Variants in LRP1B observed in about 807,000 individuals in gnomAD.
The protein encoded by LRP1B is LDL receptor related protein 1B, also known as low-density lipoprotein receptor-related protein 1B.
In LRP1B, 217 loss-of-function variants were observed where a neutral mutation model predicts 556.6. The ratio of observed to expected loss-of-function variants is 0.39; its 90% CI spans 0.35 to 0.44. The LOEUF is 0.44. Among genes scored for constraint, LRP1B ranks in the 20% least tolerant of loss-of-function variants. The pLI, the probability that LRP1B is intolerant of heterozygous loss-of-function variation, is 1.00. For missense variants in LRP1B, 5,053 were observed against 5,620.8 expected (o/e 0.90, Z 3.23); for synonymous variants, 2,047 against 1,865.8 (o/e 1.10, Z -2.50).
At chr2:140,236,889 C>A (rs1680728881) in intron 89 of LRP1B, among the ~76,000 whole-genome samples, 1 of 150,822 alleles carries the variant, frequency 6.6e-6, no homozygotes, top group African/African-American at 2.4e-5. Flanking sequence ...TTGATTAGAG[C>A]ATTATTTTAC....
chr2:141,665,985 G>T (rs13004270), intron 2 of LRP1B, among the ~76,000 whole-genome samples: 1 of 152,090 alleles, frequency 6.6e-6, no homozygotes, highest in East Asian at 1.9e-4. Flanking sequence ...GGCAGTGGGA[G>T]AAAGAGCATT....
chr2:141,570,053 C>A (rs923169806), intron 2 of LRP1B, among the ~76,000 whole-genome samples: 7 of 150,932 alleles, frequency 4.6e-5, no homozygotes, highest in Non-Finnish European at 7.4e-5. Flanking sequence ...TGCAATATAG[C>A]AAGACCCTGT....
chr2:141,557,087 C>T (rs1381851845), intron 2 of LRP1B, among the ~76,000 whole-genome samples: 1 of 151,650 alleles, frequency 6.6e-6, no homozygotes, highest in Middle Eastern at 3.2e-3. Context: ...ATAGTAAATA[C>T]ACACGGTAAA....
At chr2:140,575,824 C>A (rs1681499882) in intron 43 of LRP1B, among the ~76,000 whole-genome samples, 1 of 151,790 alleles carries the variant, frequency 6.6e-6, no homozygotes, top group African/African-American at 2.4e-5. Flanking sequence ...ACTCGGGAGG[C>A]TGAGGCAGGA....
At chr2:141,373,232 T>C (rs1478615407) in intron 3 of LRP1B, among the ~76,000 whole-genome samples, 1 of 152,058 alleles carries the variant, frequency 6.6e-6, no homozygotes, top group Non-Finnish European at 1.5e-5. Context: ...ATTTCAATTT[T>C]TACAAATTTT....
chr2:141,481,072 C>G (rs1470264119), intron 2 of LRP1B, among the ~76,000 whole-genome samples: 2 of 152,050 alleles, frequency 1.3e-5, no homozygotes, highest in Admixed American at 6.6e-5. Context: ...TGTATGACTT[C>G]TATTGTTTAA....
rs150549357 is a variant in LRP1B at position 141,082,706 on chromosome 2, G to T, written c.1014-20433C>A. On this transcript the variant is annotated intron_variant, in intron 7 of 90. Transcript: ENST00000389484. ...GGTGTGGCAGTAAGGGTAGAATATA[G>T]GGTATTACTGGGGTAGACAGGTGTG... Among the ~76,000 whole-genome samples the T allele has an allele frequency of 1.8e-3, 279 of 152,296 alleles. 2 individuals carry two copies. Among genetic ancestry groups the T allele is most frequent in the African/African-American group, 6.2e-3 (256 of 41,562 alleles).
At chr2:141,383,072 A>G (rs1689697412) in intron 3 of LRP1B, among the ~76,000 whole-genome samples, 1 of 152,236 alleles carries the variant, frequency 6.6e-6, no homozygotes. Flanking sequence ...ATATGAATAT[A>G]CATTTTCCAA....
chr2:141,512,292 T>G (rs1183677488), intron 2 of LRP1B, among the ~76,000 whole-genome samples: 1 of 152,156 alleles, frequency 6.6e-6, no homozygotes, highest in Non-Finnish European at 1.5e-5. Context: ...GATTGCTGAT[T>G]GCCTTAGGTG....
intron 2 of LRP1B, among the ~76,000 whole-genome samples, chr2:141,490,378 T>TGTGTGTGC (rs1553520855): frequency 5.4e-5 from 6 of 110,772 alleles, no homozygotes; most frequent in South Asian, 2.5e-4. Context: ...CTCGTGTGTG[T>TGTGTGTGC]GTGTGTGTGT....
intron 71 of LRP1B, among the ~76,000 whole-genome samples, chr2:140,365,170 T>G (rs1284556864): frequency 6.6e-6 from 1 of 151,582 alleles, no homozygotes; most frequent in Non-Finnish European, 1.5e-5. Context: ...GAAAAGACAT[T>G]TTTAGAATTA....
chr2:141,268,745 A>G (rs953900816), intron 3 of LRP1B, among the ~76,000 whole-genome samples: 1 of 152,160 alleles, frequency 6.6e-6, no homozygotes, highest in South Asian at 2.1e-4. Flanking sequence ...AATACTGAAG[A>G]ATTACTCTCT....
chr2:141,162,413 C>T (rs1201282428), intron 7 of LRP1B, among the ~76,000 whole-genome samples: 6 of 151,980 alleles, frequency 3.9e-5, no homozygotes, highest in Admixed American at 3.9e-4. Flanking sequence ...GAGTCTTCCT[C>T]CAGAATGCAA....
At chr2:141,653,485 G>T (rs1245995662) in intron 2 of LRP1B, among the ~76,000 whole-genome samples, 1 of 152,158 alleles carries the variant, frequency 6.6e-6, no homozygotes, top group Non-Finnish European at 1.5e-5. Flanking sequence ...TGGCATCAAG[G>T]CCAATAGAAC....
rs973786917 is a variant in LRP1B at position 140,641,549 on chromosome 2, G to A, written c.6800-39910C>T. Among the ~76,000 whole-genome samples, 3 of 152,100 alleles carry A rather than the reference G, an allele frequency of 2.0e-5. No homozygotes were observed. In the East Asian group the frequency reaches 5.8e-4, roughly 29 times the overall value. On this transcript the variant is annotated intron_variant, in intron 41 of 90. Coordinates refer to ENST00000389484, the MANE Select transcript of LRP1B (RefSeq NM_018557.3). ...ACTTTCTCTCTTGAGACTATTTTAA[G>A]GATCTTCAAATATACCTTCCTAAAA... is the stretch of plus-strand genomic sequence containing the variant.
At chr2:141,243,353 C>T (rs1253319407) in intron 5 of LRP1B, among the ~76,000 whole-genome samples, 8 of 151,686 alleles carry the variant, frequency 5.3e-5, no homozygotes, top group African/African-American at 1.9e-4. Flanking sequence ...CATGGTGGTT[C>T]GTGCCTGTGG....
chr2:141,716,214 T>G (rs1438052265), intron 2 of LRP1B, among the ~76,000 whole-genome samples: 1 of 152,176 alleles, frequency 6.6e-6, no homozygotes, highest in Non-Finnish European at 1.5e-5. Context: ...CAGAGAACAG[T>G]GTTTCTGCAT....
chr2:141,401,839 A>T (rs1364948578), intron 3 of LRP1B, among the ~76,000 whole-genome samples: 2 of 152,186 alleles, frequency 1.3e-5, no homozygotes, highest in Non-Finnish European at 2.9e-5. Context: ...TTAATTTTTC[A>T]AGTTCTCTAT....
At chr2:141,254,228 T>C (rs1478976762) in intron 4 of LRP1B, among the ~76,000 whole-genome samples, 1 of 152,108 alleles carries the variant, frequency 6.6e-6, no homozygotes, top group African/African-American at 2.4e-5. Context: ...ATAACAGCCA[T>C]ACAACATATA....
Sources: gnomAD v4.1 joint callset for allele counts (sites outside exome capture counted in the v4.1 genomes callset) on GRCh38, gnomAD v4.1.1 for gene constraint, MANE v1.5 for transcripts, NCBI Gene and HGNC (gene_info 2026-07-23, HGNC 2026-07-21) for gene names.